CREB5: variants seen among roughly 807,000 people sequenced by gnomAD.
The protein encoded by CREB5 is cAMP responsive element binding protein 5, also known as cyclic AMP-responsive element-binding protein 5.
Under a neutral mutation model 57.1 loss-of-function variants are expected in CREB5, and 19 were observed. The ratio of observed to expected loss-of-function variants is 0.33; its 90% confidence interval spans 0.23 to 0.49. The LOEUF is 0.49. Ranked by LOEUF, CREB5 falls within the 20% of genes least tolerant of loss-of-function variation. The pLI, the probability that CREB5 is intolerant of heterozygous loss-of-function variation, is 0.99. For missense variants in CREB5, 579 were observed against 671.6 expected, an observed-to-expected ratio of 0.86 and a Z score of 1.52; for synonymous variants, 238 against 238.3, an observed-to-expected ratio of 1.00 and a Z score of 0.01.
chr7:28,545,605 A>G (rs190297632), intron 4 of CREB5, among the ~76,000 whole-genome samples: 10 of 152,358 alleles, frequency 6.6e-5, no homozygotes, highest in Middle Eastern at 3.4e-3. Flanking sequence ...ATATGTATAT[A>G]TATTTTAAGT....
intron 4 of CREB5, among the ~76,000 whole-genome samples, chr7:28,566,240 C>G (rs377032860): frequency 6.6e-6 from 1 of 152,254 alleles, no homozygotes; most frequent in African/African-American, 2.4e-5. Flanking sequence ...CCAGATCATA[C>G]AGTTGGCTCA....
rs537021528 is a variant in CREB5 at position 28,587,817 on chromosome 7, A to G, written c.464+17280A>G. Among the ~76,000 whole-genome samples the G allele has an allele frequency of 5.3e-5, 8 of 152,310 alleles. No homozygotes were observed. The East Asian group carries it at 5.8e-4, about 11-fold the overall frequency. The stretch of plus-strand genomic sequence containing the variant: ...GAGAGCCAGCTCAGACCAGTCTCCA[A>G]CTGGATGCCCTTTAGTGGAAAACAT... On this transcript the variant is annotated intron_variant, in intron 5 of 10. Transcript: ENST00000357727.
chr7:28,385,986 A>G lies in CREB5; in HGVS notation c.-25+86545A>G, dbSNP rs1787090726. ...TTTATATATGTATATAAATAGACTT[A>G]TGTATCTGCCAGTCTAATCACTTTC... On this transcript the variant is annotated intron_variant, in intron 1 of 9. Coordinates refer to the CREB5 transcript ENST00000396299. Among the ~76,000 whole-genome samples the G allele has an allele frequency of 2.0e-5, 3 of 152,296 alleles. No homozygotes were observed. In the South Asian group the frequency reaches 6.2e-4, roughly 32 times the overall value.
At position 28,778,131 on chromosome 7, in the gene CREB5, C is replaced by A. The variant is rs140775521; in HGVS notation, c.703-26068C>A. 7.9e-5 allele frequency among the ~76,000 whole-genome samples: 12 copies of A among 152,238 alleles called. No homozygotes were observed. The East Asian group carries it at 2.3e-3, about 29-fold the overall frequency. On this transcript the variant is annotated intron_variant, in intron 7 of 10. Coordinates refer to ENST00000357727, the MANE Select transcript of CREB5 (RefSeq NM_182898.4). ...GGCATACAAAACCTGCCTAGCCTTC[C>A]CATGGAAAGAATTGAAAACAACAAA...
intron 9 of CREB5, among the ~76,000 whole-genome samples, chr7:28,811,510 C>A (rs757824145): frequency 6.6e-6 from 1 of 152,132 alleles, no homozygotes; most frequent in African/African-American, 2.4e-5. Flanking sequence ...CCACCTCAGC[C>A]TCCCAAGGTG....
intron 4 of CREB5, among the ~76,000 whole-genome samples, chr7:28,558,921 A>T (rs1045254571): frequency 6.6e-6 from 1 of 152,160 alleles, no homozygotes; most frequent in African/African-American, 2.4e-5. Flanking sequence ...TTTGTTTAGT[A>T]ATTCTAGAAT....
intron 2 of CREB5, among the ~76,000 whole-genome samples, chr7:28,489,296 C>CTTTTT (rs70977046): frequency 0.016 from 1,544 of 96,306 alleles, 45 homozygotes; most frequent in African/African-American, 0.023. Context: ...GAGGACCCTT[C>CTTTTT]TTTTTTTTTT....
intron 5 of CREB5, among the ~76,000 whole-genome samples, chr7:28,639,490 A>T (rs1798562783): frequency 6.6e-6 from 1 of 152,198 alleles, no homozygotes; most frequent in Admixed American, 6.5e-5. Context: ...ATGAGCATTG[A>T]ACAATATATT....
In CREB5 at chr7:28,361,173, C is replaced by T. The variant is rs190901643; in HGVS notation, c.-25+61732C>T. Among the ~76,000 whole-genome samples, 7 of 152,220 alleles carry T rather than the reference C, an allele frequency of 4.6e-5. No individual in the cohort carries two copies. The East Asian group carries it at 5.8e-4, about 13-fold the overall frequency. Reference sequence around the variant, plus strand: ...TGTAATAATAAGATTACTTATTGCACGGAGGTTGAATAAAGCAGCGCAACT... The same window carrying T: ...TGTAATAATAAGATTACTTATTGCATGGAGGTTGAATAAAGCAGCGCAACT... On this transcript the variant is annotated intron_variant, in intron 1 of 9. Coordinates refer to the CREB5 transcript ENST00000396299.
chr7:28,430,976 A>T (rs1023618206), intron 1 of CREB5, among the ~76,000 whole-genome samples: 2 of 152,150 alleles, frequency 1.3e-5, no homozygotes, highest in Non-Finnish European at 2.9e-5. Flanking sequence ...GCTCACTTGT[A>T]TGGCTGTTGG....
intron 5 of CREB5, among the ~76,000 whole-genome samples, chr7:28,687,168 T>G (rs191221812): frequency 1.3e-3 from 204 of 152,348 alleles, no homozygotes; most frequent in Non-Finnish European, 2.0e-3. Flanking sequence ...TCAGTGAAGG[T>G]TAACAGCAAT....
At chr7:28,302,962 C>T (rs1459150074) in intron 1 of CREB5, among the ~76,000 whole-genome samples, 1 of 152,114 alleles carries the variant, frequency 6.6e-6, no homozygotes, top group Non-Finnish European at 1.5e-5. Context: ...CATCACCCCT[C>T]ACCAATATTT....
intron 1 of CREB5, among the ~76,000 whole-genome samples, chr7:28,358,821 G>A (rs904888788): frequency 1.3e-5 from 2 of 152,164 alleles, no homozygotes; most frequent in Admixed American, 1.3e-4. Flanking sequence ...GGAATATAGA[G>A]CCATCCTGAG....
At chr7:28,679,136 C>T (rs116162160) in intron 5 of CREB5, among the ~76,000 whole-genome samples, 1,782 of 142,578 alleles carry the variant, frequency 0.012, 30 homozygotes, top group African/African-American at 0.042. Context: ...CCTGCAGATA[C>T]GTAAGTAATC....
chr7:28,401,414 A>T (rs1262734109), intron 1 of CREB5, among the ~76,000 whole-genome samples: 5 of 151,478 alleles, frequency 3.3e-5, no homozygotes, highest in African/African-American at 9.7e-5. Flanking sequence ...TAATTTTTTT[A>T]ATTTTTTATT....
At chr7:28,384,141 A>C (rs1459216853) in intron 1 of CREB5, among the ~76,000 whole-genome samples, 2 of 152,206 alleles carry the variant, frequency 1.3e-5, no homozygotes, top group Non-Finnish European at 2.9e-5. Flanking sequence ...GTTAGCAGCC[A>C]GACATCACAG....
chr7:28,404,935 G>C (rs1345046571), intron 1 of CREB5, among the ~76,000 whole-genome samples: 1 of 152,184 alleles, frequency 6.6e-6, no homozygotes, highest in African/African-American at 2.4e-5. Flanking sequence ...CCATGCCCCA[G>C]CTGTGCAATT....
At chr7:28,578,064 G>T (rs1278555867) in intron 5 of CREB5, among the ~76,000 whole-genome samples, 1 of 152,168 alleles carries the variant, frequency 6.6e-6, no homozygotes. Flanking sequence ...TTGTATTCTA[G>T]AATTATTATT....
chr7:28,496,652 A>C (rs1792067040), intron 3 of CREB5, among the ~76,000 whole-genome samples: 2 of 152,056 alleles, frequency 1.3e-5, no homozygotes, highest in South Asian at 4.2e-4. Context: ...GATTCTCCCA[A>C]TACTCCCGGT....
Sources: gnomAD v4.1 joint callset for allele counts (sites outside exome capture counted in the v4.1 genomes callset) on GRCh38, gnomAD v4.1.1 for gene constraint, MANE v1.5 for transcripts, NCBI Gene and HGNC (gene_info 2026-07-23, HGNC 2026-07-21) for gene names.